PRKCE: variants seen among roughly 807,000 people sequenced by gnomAD.
PRKCE encodes protein kinase C epsilon.
Under a neutral mutation model 85.4 loss-of-function variants are expected in PRKCE, and 16 were observed. The observed-to-expected ratio is 0.19, with a 90% CI of 0.13 to 0.28. PRKCE has a LOEUF of 0.28. Ranked by LOEUF, PRKCE falls within the 10% of genes least tolerant of loss-of-function variation. PRKCE has a pLI of 1.00. For missense variants in PRKCE, 573 were observed against 975.2 expected, an observed-to-expected ratio of 0.59 and a Z score of 5.49; for synonymous variants, 388 against 371.5, an observed-to-expected ratio of 1.04 and a Z score of -0.51.
intron 11 of PRKCE, among the ~76,000 whole-genome samples, chr2:46,130,058 T>C (rs1674270788): frequency 6.6e-6 from 1 of 152,030 alleles, no homozygotes; most frequent in East Asian, 1.9e-4. Context: ...AAATAGCGAG[T>C]TTTTTTTAAC....
intron 2 of PRKCE, among the ~76,000 whole-genome samples, chr2:45,844,061 C>A (rs934882508): frequency 6.6e-6 from 1 of 152,220 alleles, no homozygotes; most frequent in Non-Finnish European, 1.5e-5. Flanking sequence ...CACAATCCCA[C>A]ACACAGTCTC....
At position 45,811,037 on chromosome 2, in the gene PRKCE, T is replaced by C. The variant is rs77970772; in HGVS notation, c.349-31963T>C. ...TCTTACGGAAAGTTCCTGAAAACTGTCACATATACATTTGTTTGTATCCTA... is the reference window on the plus strand; with the variant it reads ...TCTTACGGAAAGTTCCTGAAAACTGCCACATATACATTTGTTTGTATCCTA... On this transcript the variant is annotated intron_variant, in intron 1 of 14. Coordinates refer to ENST00000306156, the MANE Select transcript of PRKCE (RefSeq NM_005400.3). Among the ~76,000 whole-genome samples, 513 of 152,328 alleles carry C rather than the reference T, an allele frequency of 3.4e-3. 4 individuals carry two copies. Among genetic ancestry groups the C allele is most frequent in the African/African-American group, 0.011 (477 of 41,558 alleles).
At chr2:45,798,823 A>C (rs1215140733) in intron 1 of PRKCE, among the ~76,000 whole-genome samples, 1 of 150,880 alleles carries the variant, frequency 6.6e-6, no homozygotes, top group African/African-American at 2.4e-5. Context: ...TATATTTTAT[A>C]TTGTATTTCT....
chr2:46,073,064 G>C (rs1375058), intron 10 of PRKCE, among the ~76,000 whole-genome samples: 1 of 152,150 alleles, frequency 6.6e-6, no homozygotes, highest in Non-Finnish European at 1.5e-5. Context: ...TGGAAATCTG[G>C]ATGCTTTAAA....
intron 11 of PRKCE, among the ~76,000 whole-genome samples, chr2:46,123,925 G>A (rs1558479774): frequency 2.0e-5 from 3 of 152,180 alleles, no homozygotes; most frequent in South Asian, 2.1e-4. Context: ...CTGATTGACA[G>A]GGGTGCTAAC....
intron 2 of PRKCE, among the ~76,000 whole-genome samples, chr2:45,847,615 A>T (rs1345631138): frequency 6.6e-6 from 1 of 152,172 alleles, no homozygotes; most frequent in East Asian, 1.9e-4. Context: ...GATGTGCTCC[A>T]GGCCAAAAGG....
intron 1 of PRKCE, among the ~76,000 whole-genome samples, chr2:45,755,293 T>C (rs941970920): frequency 6.6e-6 from 1 of 152,196 alleles, no homozygotes; most frequent in African/African-American, 2.4e-5. Flanking sequence ...CTATTTGGTA[T>C]ACAGTGGCAC....
At chr2:45,898,181 A>G (rs1223164153) in intron 2 of PRKCE, among the ~76,000 whole-genome samples, 1 of 152,174 alleles carries the variant, frequency 6.6e-6, no homozygotes, top group African/African-American at 2.4e-5. Flanking sequence ...ATCACAACTC[A>G]TCGCTTCACC....
At chr2:46,158,405 C>T (rs1008902062) in intron 13 of PRKCE, among the ~76,000 whole-genome samples, 2 of 152,120 alleles carry the variant, frequency 1.3e-5, no homozygotes, top group African/African-American at 4.8e-5. Context: ...TGGGGGCCAT[C>T]CAAGGTGTTA....
At chr2:46,074,931 T>G (rs1668421981) in intron 10 of PRKCE, among the ~76,000 whole-genome samples, 1 of 152,236 alleles carries the variant, frequency 6.6e-6, no homozygotes, top group African/African-American at 2.4e-5. Context: ...GGGAATCGCC[T>G]GAGCTCACAA....
At chr2:46,013,667 G>A (rs1192565252) in intron 10 of PRKCE, among the ~76,000 whole-genome samples, 1 of 152,114 alleles carries the variant, frequency 6.6e-6, no homozygotes, top group Non-Finnish European at 1.5e-5. Context: ...ACAAAGACCC[G>A]ATTGCAATCC....
intron 1 of PRKCE, among the ~76,000 whole-genome samples, chr2:45,789,135 C>T (rs1686843122): frequency 6.6e-6 from 1 of 152,102 alleles, no homozygotes; most frequent in African/African-American, 2.4e-5. Context: ...GAAGGTGGCT[C>T]ATGCCTATAA....
chr2:45,937,072 G>C (rs1006529859), intron 2 of PRKCE, among the ~76,000 whole-genome samples: 1 of 152,218 alleles, frequency 6.6e-6, no homozygotes, highest in Admixed American at 6.5e-5. Flanking sequence ...GATCATGAAA[G>C]AAGAGTGCTC....
At chr2:45,911,653 C>T (rs762656675) in intron 2 of PRKCE, among the ~76,000 whole-genome samples, 1 of 152,156 alleles carries the variant, frequency 6.6e-6, no homozygotes, top group Non-Finnish European at 1.5e-5. Context: ...ATGCCCCAGA[C>T]CTGAAGATAA....
intron 14 of PRKCE, among the ~76,000 whole-genome samples, chr2:46,180,316 A>G (rs1679843934): frequency 6.6e-6 from 1 of 152,194 alleles, no homozygotes; most frequent in Non-Finnish European, 1.5e-5. Context: ...AGAAAGCAGG[A>G]GGAAGCCCCA....
Position 45,858,526 on chromosome 2 carries a change from C to G in PRKCE, c.412+15463C>G, listed in dbSNP as rs1011303331. On this transcript the variant is annotated intron_variant, in intron 2 of 14. Coordinates refer to ENST00000306156, the MANE Select transcript of PRKCE (RefSeq NM_005400.3). The stretch of plus-strand genomic sequence containing the variant: ...ATTGTATATCATGGGTCATATGTCC[C>G]TATGATCCAGCTTTAAAATAAGTGT... Among the ~76,000 whole-genome samples, 11 of 152,114 alleles carry G rather than the reference C, an allele frequency of 7.2e-5. No homozygotes were observed. The East Asian group carries it at 1.7e-3, about 24-fold the overall frequency.
intron 1 of PRKCE, among the ~76,000 whole-genome samples, chr2:45,833,698 G>A (rs1410503473): frequency 2.0e-5 from 3 of 152,214 alleles, no homozygotes; most frequent in Non-Finnish European, 4.4e-5. Context: ...CTTAGTGTAA[G>A]AAATAGGAAA....
chr2:45,773,507 A>G (rs1047140076), intron 1 of PRKCE, among the ~76,000 whole-genome samples: 2 of 152,192 alleles, frequency 1.3e-5, no homozygotes, highest in Admixed American at 1.3e-4. Flanking sequence ...ATCAAGAGGT[A>G]GGGTTGAGAT....
intron 1 of PRKCE, among the ~76,000 whole-genome samples, chr2:45,801,997 C>A (rs1687900778): frequency 6.6e-6 from 1 of 151,288 alleles, no homozygotes; most frequent in Non-Finnish European, 1.5e-5. Flanking sequence ...GCCTGTAATT[C>A]TAGCACTTTA....
Sources: gnomAD v4.1 joint callset for allele counts (sites outside exome capture counted in the v4.1 genomes callset) on GRCh38, gnomAD v4.1.1 for gene constraint, MANE v1.5 for transcripts, NCBI Gene and HGNC (gene_info 2026-07-23, HGNC 2026-07-21) for gene names.